MINDY4: variants seen among roughly 807,000 people sequenced by gnomAD.
MINDY4 encodes the protein probable ubiquitin carboxyl-terminal hydrolase MINDY-4.
In MINDY4, 68 loss-of-function variants were observed where a neutral mutation model predicts 87.0. The ratio of observed to expected loss-of-function variants is 0.78; its 90% CI spans 0.64 to 0.96. The LOEUF is 0.96. Ranked by LOEUF, MINDY4 falls within the 40% of genes least tolerant of loss-of-function variation. MINDY4 has a pLI of 0.00. For missense variants in MINDY4, 919 were observed against 928.2 expected, an observed-to-expected ratio of 0.99 and a Z score of 0.13; for synonymous variants, 379 against 363.2, an observed-to-expected ratio of 1.04 and a Z score of -0.50.
rs755211314 is a variant in MINDY4 at position 30,782,061 on chromosome 7, A to T, written c.268A>T (p.Thr90Ser). Residue 90 changes from threonine (T) to serine (S), a missense_variant, in exon 3 of 18, where the codon ACT becomes TCT. Coordinates refer to ENST00000265299, the MANE Select transcript of MINDY4 (RefSeq NM_032222.3). ...CTTTGGAAATACGGCTAACAATTTCACTCAAGATACCCCAATCCCTGCACT... is the reference window on the plus strand; with the variant it reads ...CTTTGGAAATACGGCTAACAATTTCTCTCAAGATACCCCAATCCCTGCACT... ...DHFGNTANNF[T>S]QDTPIPALSV... 2.4e-5 allele frequency: 38 copies of T among 1,614,062 alleles called. No homozygotes were observed. Among genetic ancestry groups the T allele is most frequent in the Non-Finnish European group, 3.2e-5 (38 of 1,180,038 alleles).
chr7:30,859,339 C>G lies in MINDY4; in HGVS notation c.1745+15C>G. Reference sequence around the variant, plus strand: ...TCTACAGAGCTGTGAGTATCTTTCTCCCTCAACTCCCTGGGGCTGGGCTGG... The same window carrying G: ...TCTACAGAGCTGTGAGTATCTTTCTGCCTCAACTCCCTGGGGCTGGGCTGG... On this transcript the variant is annotated intron_variant, in intron 13 of 17. Transcript: ENST00000265299. 1 of 1,612,532 alleles carries G rather than the reference C, an allele frequency of 6.2e-7. No individual in the cohort carries two copies. Among genetic ancestry groups the G allele is most frequent in the Non-Finnish European group, 8.5e-7 (1 of 1,178,816 alleles).
At chr7:30,779,596 G>C (rs1748710969) in intron 2 of MINDY4, 1 of 152,342 alleles carries the variant, frequency 6.6e-6, no homozygotes, top group Admixed American at 6.5e-5. Flanking sequence ...AGGAGGTCTT[G>C]CTTTATCGTC....
At chr7:30,835,601 G>T (rs1428838943) in intron 6 of MINDY4, among the ~76,000 whole-genome samples, 1 of 152,194 alleles carries the variant, frequency 6.6e-6, no homozygotes, top group East Asian at 1.9e-4. Flanking sequence ...TGCTGTGGCT[G>T]GGTCGCCCTG....
intron 3 of MINDY4, among the ~76,000 whole-genome samples, chr7:30,783,272 G>A (rs1317727138): frequency 6.6e-6 from 1 of 152,058 alleles, no homozygotes; most frequent in East Asian, 1.9e-4. Context: ...CTCTGCTTGT[G>A]TTGTTACATC....
At chr7:30,826,416 T>A (rs1788506253) in intron 5 of MINDY4, among the ~76,000 whole-genome samples, 1 of 152,194 alleles carries the variant, frequency 6.6e-6, no homozygotes, top group Non-Finnish European at 1.5e-5. Flanking sequence ...GAGAAGAAGC[T>A]GATGTTCCAC....
At chr7:30,845,730 G>A (rs906650017) in intron 9 of MINDY4, among the ~76,000 whole-genome samples, 5 of 152,120 alleles carry the variant, frequency 3.3e-5, no homozygotes, top group Non-Finnish European at 5.9e-5. Context: ...GTGGGGAAAT[G>A]GTTCTGTGAA....
At chr7:30,841,011 C>T (rs1349649092) in intron 9 of MINDY4, among the ~76,000 whole-genome samples, 163 bp downstream of exon 9, 2 of 152,140 alleles carry the variant, frequency 1.3e-5, no homozygotes, top group Non-Finnish European at 2.9e-5. Context: ...CCTGCGCAGA[C>T]CAGTGTTAAG....
At position 30,820,105 on chromosome 7, in the gene MINDY4, T is replaced by G. The variant is rs1470129547; in HGVS notation, c.1074-8574T>G. 2.0e-5 allele frequency among the ~76,000 whole-genome samples: 3 copies of G among 151,218 alleles called. No individual in the cohort carries two copies. The East Asian group carries it at 5.8e-4, about 29-fold the overall frequency. On this transcript the variant is annotated intron_variant, in intron 5 of 17. Coordinates refer to ENST00000265299, the MANE Select transcript of MINDY4 (RefSeq NM_032222.3). The stretch of plus-strand genomic sequence containing the variant: ...TTTAGTAGAGACGGGGTTTCACCGT[T>G]TTAGCCGGGATGGTCTTGATCTCCT...
intron 12 of MINDY4, among the ~76,000 whole-genome samples, chr7:30,856,919 T>C (rs10224928): frequency 0.076 from 11,583 of 152,174 alleles, 912 homozygotes; most frequent in African/African-American, 0.19. Context: ...CCACAGACAT[T>C]GTCTCAAGAA....
chr7:30,838,545 G>A (rs549881187), intron 7 of MINDY4, among the ~76,000 whole-genome samples: 1 of 152,288 alleles, frequency 6.6e-6, no homozygotes, highest in East Asian at 1.9e-4. Flanking sequence ...TGCCATCATG[G>A]TATGAACACA....
chr7:30,865,800 T>C (rs1213910987), intron 13 of MINDY4, among the ~76,000 whole-genome samples: 4 of 152,216 alleles, frequency 2.6e-5, no homozygotes, highest in African/African-American at 4.8e-5. Flanking sequence ...AATGGCACAG[T>C]TGGCAGCATC....
intron 5 of MINDY4, among the ~76,000 whole-genome samples, chr7:30,820,320 C>T (rs1788290040): frequency 6.6e-6 from 1 of 151,960 alleles, no homozygotes; most frequent in Non-Finnish European, 1.5e-5. Context: ...ATATTTCATA[C>T]TTCCCTTTTG....
rs900453725 is a variant in MINDY4 at position 30,887,791 on chromosome 7, G to A, written c.2226-4166G>A. 4.9e-4 allele frequency among the ~76,000 whole-genome samples: 74 copies of A among 152,230 alleles called. 1 individual carries two copies. Among genetic ancestry groups the A allele is most frequent in the African/African-American group, 1.5e-3 (64 of 41,462 alleles). ...TGGGTGCTGACGGGGACCCGCGGGT[G>A]GCAGTCAGAGAACACTTCTGCAAAG... is the stretch of plus-strand genomic sequence containing the variant. On this transcript the variant is annotated intron_variant, in intron 17 of 17. Coordinates refer to ENST00000265299, the MANE Select transcript of MINDY4 (RefSeq NM_032222.3).
intron 13 of MINDY4, among the ~76,000 whole-genome samples, chr7:30,860,699 G>T (rs1413960759): frequency 6.6e-6 from 1 of 152,092 alleles, no homozygotes; most frequent in Non-Finnish European, 1.5e-5. Flanking sequence ...ACTGGGAGTG[G>T]GCGCCTTGTT....
chr7:30,823,340 C>T (rs7786959), intron 5 of MINDY4, among the ~76,000 whole-genome samples: 5 of 151,988 alleles, frequency 3.3e-5, no homozygotes, highest in Admixed American at 6.5e-5. Flanking sequence ...TAAATGATTA[C>T]ATTGGAGTGT....
chr7:30,777,179 G>A (rs1047816515), intron 1 of MINDY4, among the ~76,000 whole-genome samples: 4 of 151,970 alleles, frequency 2.6e-5, no homozygotes, highest in Admixed American at 6.6e-5. Flanking sequence ...CCAGGCCCCC[G>A]GTGGTTTTCA....
At chr7:30,861,024 C>T (rs1789747569) in intron 13 of MINDY4, among the ~76,000 whole-genome samples, 1 of 152,072 alleles carries the variant, frequency 6.6e-6, no homozygotes, top group Non-Finnish European at 1.5e-5. Context: ...CACAGACACA[C>T]GAAAACTCAC....
intron 1 of MINDY4, among the ~76,000 whole-genome samples, chr7:30,773,797 G>A (rs188219485): frequency 2.9e-4 from 44 of 152,150 alleles, no homozygotes; most frequent in Admixed American, 7.9e-4. Flanking sequence ...ATAGCCCCAC[G>A]TAAACTCTTC....
chr7:30,786,786 G>A lies in MINDY4; in HGVS notation c.663+794G>A, dbSNP rs1271934303. The A allele has an allele frequency of 2.0e-5, 3 of 151,778 alleles. No homozygotes were observed. The East Asian group carries it at 5.8e-4, about 29-fold the overall frequency. The allele number at this position is 151,778 out of a possible 1,614,324, so 9.4% of individuals were successfully genotyped here. A position where few individuals can be genotyped will look rare whatever the true frequency, so the allele number is the denominator to read the frequency against. On this transcript the variant is annotated intron_variant, in intron 4 of 17. Coordinates refer to ENST00000265299, the MANE Select transcript of MINDY4 (RefSeq NM_032222.3). ...AAGATTATAAAAATTTCACATTATT[G>A]TTTTATAGTCTCTCTTACAGGGTGA...
Sources: allele counts gnomAD v4.1 joint callset (sites outside exome capture counted in the v4.1 genomes callset), GRCh38; gene constraint gnomAD v4.1.1; transcripts MANE v1.5; gene names NCBI Gene and HGNC (gene_info 2026-07-23, HGNC 2026-07-21).